STUB1: variants seen among roughly 807,000 people sequenced by gnomAD.
The protein encoded by STUB1 is E3 ubiquitin-protein ligase CHIP.
In STUB1, 37 loss-of-function variants were observed where a neutral mutation model predicts 40.3. The observed-to-expected ratio is 0.92, with a 90% CI of 0.71 to 1.21. STUB1 has a LOEUF of 1.21. Ranked by LOEUF, STUB1 falls within the 50% of genes most tolerant of loss-of-function variation. The pLI, the probability that STUB1 is intolerant of heterozygous loss-of-function variation, is 0.00. For synonymous variants in STUB1, 246 were observed against 171.9 expected, an observed-to-expected ratio of 1.43 and a Z score of -3.37; for missense variants, 460 against 421.9, an observed-to-expected ratio of 1.09 and a Z score of -0.79.
At position 682,184 on chromosome 16, in the gene STUB1, A is replaced by G; in HGVS notation, c.689A>G (p.Tyr230Cys). The G allele has an allele frequency of 1.2e-6, 2 of 1,609,420 alleles. No homozygotes were observed. The highest frequency in any genetic ancestry group is 1.7e-6 in the Non-Finnish European group (2 of 1,176,574). ...EKRKKRDIPD[Y>C]LCGKISFELM... ...CCACAGAAGCGAGACATCCCCGACT[A>G]CCTGTGTGGCAAGATCAGCTTTGAG... Residue 230 changes from tyrosine (Y) to cysteine (C), a missense_variant, in exon 6 of 7, where the codon TAC becomes TGC. By Grantham distance (194) the Tyr-to-Cys change is radical (BLOSUM62 -2). Transcript: ENST00000219548.
At position 681,502 on chromosome 16, in the gene STUB1, CG is replaced by C. The variant is rs1441696405; in HGVS notation, c.424del (p.Ala142ArgfsTer98). On this transcript the variant is annotated frameshift_variant, in exon 3 of 7. Transcript: ENST00000219548. LOFTEE classifies it high-confidence loss of function. ...GDDIPSALRI[A>X]KKKRWNSIEE... Reference sequence around the variant, plus strand: ...ACGACATCCCCAGCGCTCTTCGAATCGCGAAGAAGAAGCGCTGGAACAGCAT... The same window carrying C: ...ACGACATCCCCAGCGCTCTTCGAATCCGAAGAAGAAGCGCTGGAACAGCAT... 1 of 1,612,384 alleles carries C rather than the reference CG, an allele frequency of 6.2e-7. No individual in the cohort carries two copies. Among genetic ancestry groups the C allele is most frequent in the Non-Finnish European group, 8.5e-7 (1 of 1,179,870 alleles).
chr16:682,089 C>T lies in STUB1; in HGVS notation c.669+13C>T, dbSNP rs116568793. 494 of 1,580,472 alleles carry T rather than the reference C, an allele frequency of 3.1e-4. No individual in the cohort carries two copies. In the African/African-American group the frequency reaches 5.5e-3, roughly 18 times the overall value. On this transcript the variant is annotated intron_variant, in intron 5 of 6. Coordinates refer to ENST00000219548, the MANE Select transcript of STUB1 (RefSeq NM_005861.4). ...TGAGAAGAGGAAGGTGAGTGTGTGT[C>T]GCTTGCTGCCGATGGCTGGCAGGTG...
At chr16:681,416 A>T in intron 2 of STUB1, 22 bp from the exon 3 acceptor site, 1 of 1,609,706 alleles carries the variant, frequency 6.2e-7, no homozygotes, top group Non-Finnish European at 8.5e-7. Context: ...CCAGAGAGTG[A>T]CGTGAAGCCC....
chr16:682,216 C>G lies in STUB1; in HGVS notation c.721C>G (p.Arg241Gly), dbSNP rs760424025. The G allele has an allele frequency of 6.2e-7, 1 of 1,612,872 alleles. No individual in the cohort carries two copies. Among genetic ancestry groups the G allele is most frequent in the Non-Finnish European group, 8.5e-7 (1 of 1,179,824 alleles). Residue 241 changes from arginine to glycine, a missense_variant, in exon 6 of 7, where the codon CGG becomes GGG. Transcript: ENST00000219548. ...TGGCAAGATCAGCTTTGAGCTGATG[C>G]GGGAGCCGTGCATCACGCCCAGTGG... is the stretch of plus-strand genomic sequence containing the variant. ...LCGKISFELM[R>G]EPCITPSGIT... is the part of the protein sequence containing the mutation.
In STUB1 at chr16:681,867, T is replaced by C. The variant is rs2039671448; in HGVS notation, c.599T>C (p.Ile200Thr). ...CACGTCCGGGCCCAGCAGGCCTGCATTGAGGCCAAGCACGTGAGGGTGCCC... is the reference window on the plus strand; with the variant it reads ...CACGTCCGGGCCCAGCAGGCCTGCACTGAGGCCAAGCACGTGAGGGTGCCC... ...DSHVRAQQAC[I>T]EAKHDKYMAD... The change falls in exon 4 of 7, where the codon ATT becomes ACT. Residue 200 changes from isoleucine (I) to threonine (T), a missense_variant. Ile to Thr is a moderately conservative substitution (Grantham distance 89, BLOSUM62 -1). Transcript: ENST00000219548. 3.1e-6 allele frequency: 5 copies of C among 1,612,734 alleles called. No individual in the cohort carries two copies. The highest frequency in any genetic ancestry group is 4.2e-6 in the Non-Finnish European group (5 of 1,179,970).
intron 5 of STUB1, 26 bp downstream of exon 5, chr16:682,102 T>C (rs768837345): frequency 1.5e-5 from 24 of 1,582,438 alleles, no homozygotes; most frequent in African/African-American, 9.4e-5. Context: ...TTGCTGCCGA[T>C]GGCTGGCAGG....
Position 682,267 on chromosome 16 carries a change from G to A in STUB1, c.772G>A (p.Glu258Lys), listed in dbSNP as rs1262673273. The change falls in exon 6 of 7, where the codon GAG (glutamate) becomes AAG (lysine). Residue 258 changes from glutamate to lysine, a missense_variant. Glu to Lys is a moderately conservative substitution (Grantham distance 56). Coordinates refer to ENST00000219548, the MANE Select transcript of STUB1 (RefSeq NM_005861.4). ...SGITYDRKDI[E>K]EHLQRVGHFD... ...CATCACCTACGACCGCAAGGACATCGAGGAGCACCTGCAGGTGAGGCCTGC... is the reference window on the plus strand; with the variant it reads ...CATCACCTACGACCGCAAGGACATCAAGGAGCACCTGCAGGTGAGGCCTGC... 5.6e-6 allele frequency: 9 copies of A among 1,601,344 alleles called. No individual in the cohort carries two copies. The highest frequency in any genetic ancestry group is 1.7e-5 in the Admixed American group (1 of 58,708).
In STUB1 at chr16:680,487, G is replaced by A. The variant is rs1388585283; in HGVS notation, c.-39G>A. On this transcript the variant is annotated 5_prime_UTR_variant, in exon 1 of 7. Transcript: ENST00000219548. The surrounding 1 kb of genome is among the most constrained non-coding windows in gnomAD (Gnocchi z 4.9). ...TGCGGGCGCTGGGCCGCGAGGCGCG[G>A]AGCTTGGGAGCGGAGCCCAGGCCGT... The A allele has an allele frequency of 1.7e-6, 2 of 1,192,742 alleles. No homozygotes were observed. The highest frequency in any genetic ancestry group is 2.1e-6 in the Non-Finnish European group (2 of 960,830). The allele number at this position is 1,192,742 out of a possible 1,614,324, so 73.9% of individuals were successfully genotyped here.
chr16:681,455 G>A lies in STUB1; in HGVS notation c.376G>A (p.Glu126Lys). 1 of 1,612,562 alleles carries A rather than the reference G, an allele frequency of 6.2e-7. No individual in the cohort carries two copies. The highest frequency in any genetic ancestry group is 8.5e-7 in the Non-Finnish European group (1 of 1,179,740). The change falls in exon 3 of 7, where the codon GAG becomes AAG. Residue 126 changes from glutamate (E) to lysine (K), a missense_variant. By Grantham distance (56) the Glu-to-Lys change is moderately conservative. Coordinates refer to ENST00000219548, the MANE Select transcript of STUB1 (RefSeq NM_005861.4). Reference sequence around the variant, plus strand: ...TTCCCCAGCTTACAGCCTGGCCAAGGAGCAGCGGCTGAACTTCGGGGACGA... The same window carrying A: ...TTCCCCAGCTTACAGCCTGGCCAAGAAGCAGCGGCTGAACTTCGGGGACGA... ...NLQRAYSLAK[E>K]QRLNFGDDIP...
Position 681,341 on chromosome 16 carries a change from C to G in STUB1, c.349C>G (p.Leu117Val), listed in dbSNP as rs951669702. 1 of 1,612,820 alleles carries G rather than the reference C, an allele frequency of 6.2e-7. No individual in the cohort carries two copies. The highest frequency in any genetic ancestry group is 8.5e-7 in the Non-Finnish European group (1 of 1,179,914). The change falls in exon 2 of 7, where the codon CTG becomes GTG. Residue 117 changes from leucine (L) to valine (V), a missense_variant. Physicochemically the swap from Leu to Val is conservative, Grantham distance 32. Transcript: ENST00000219548. ...GAGCTATGATGAGGCCATCGCCAAT[C>G]TGCAGCGAGGTTGGCTGACAAGCTG... ...MESYDEAIANLQRAYSLAKEQ... is the reference protein window; with the variant it reads ...MESYDEAIANVQRAYSLAKEQ...
At chr16:681,758 G>A (rs746632213) in intron 3 of STUB1, 35 bp from the exon 4 acceptor site, 2 of 1,570,572 alleles carry the variant, frequency 1.3e-6, no homozygotes, top group African/African-American at 2.7e-5. Flanking sequence ...CATCTGGCCA[G>A]GTCCATCTCT....
Position 681,474 on chromosome 16 carries a change from G to C in STUB1, c.395G>C (p.Gly132Ala). The change falls in exon 3 of 7, where the codon GGG becomes GCG. Residue 132 changes from glycine to alanine, a missense_variant. Gly to Ala is a moderately conservative substitution (Grantham distance 60). Coordinates refer to ENST00000219548, the MANE Select transcript of STUB1 (RefSeq NM_005861.4). ...SLAKEQRLNF[G>A]DDIPSALRIA... is the part of the protein sequence containing the mutation. ...GCCAAGGAGCAGCGGCTGAACTTCG[G>C]GGACGACATCCCCAGCGCTCTTCGA... The C allele has an allele frequency of 1.2e-6, 2 of 1,612,666 alleles. No homozygotes were observed. Among genetic ancestry groups the C allele is most frequent in the East Asian group, 2.2e-5 (1 of 44,884 alleles).
Position 681,858 on chromosome 16 carries a change from A to T in STUB1, c.590A>T (p.Gln197Leu), listed in dbSNP as rs781520518. The T allele has an allele frequency of 2.5e-6, 4 of 1,612,476 alleles. No individual in the cohort carries two copies. In the South Asian group the frequency reaches 4.4e-5, roughly 18 times the overall value. ...DEDDSHVRAQQACIEAKHDKY... is the reference protein window; with the variant it reads ...DEDDSHVRAQLACIEAKHDKY... ...GACGACAGCCACGTCCGGGCCCAGC[A>T]GGCCTGCATTGAGGCCAAGCACGTG... The change falls in exon 4 of 7, where the codon CAG (glutamine) becomes CTG (leucine). Residue 197 changes from glutamine (Q) to leucine (L), a missense_variant. Transcript: ENST00000219548.
chr16:681,979 G>A (rs1567281407), intron 4 of STUB1, 41 bp from the exon 5 acceptor site: 6 of 1,611,896 alleles, frequency 3.7e-6, no homozygotes, highest in South Asian at 1.1e-5. Flanking sequence ...GAGGAGGGAG[G>A]TGGGGTGTCT....
rs1732133553 is a variant in STUB1 at position 682,364 on chromosome 16, CGT to C, written c.791_792del (p.Val264GlyfsTer4). 6.2e-7 allele frequency: 1 copy of C among 1,613,178 alleles called. No homozygotes were observed. The highest frequency in any genetic ancestry group is 8.5e-7 in the Non-Finnish European group (1 of 1,179,996). ...CCCTCTGCCCTTCTTGTCACTGCAG[CGT>C]GTGGGTCATTTTGACCCCGTGACCC... is the stretch of plus-strand genomic sequence containing the variant. ...DRKDIEEHLQ[R>X]VGHFDPVTRS... On this transcript the variant is annotated frameshift_variant and splice_region_variant, in exon 7 of 7. Coordinates refer to ENST00000219548, the MANE Select transcript of STUB1 (RefSeq NM_005861.4). LOFTEE classifies it high-confidence loss of function.
In STUB1 at chr16:682,525, A is replaced by T. The variant is rs531522663; in HGVS notation, c.*36A>T. On this transcript the variant is annotated 3_prime_UTR_variant, in exon 7 of 7. Transcript: ENST00000219548. ...CCTACCTGGCGTCCTGGTCCAGGGGAGCCCTGGGCAGAAGCCCCCGGCCCC... is the reference window on the plus strand; with the variant it reads ...CCTACCTGGCGTCCTGGTCCAGGGGTGCCCTGGGCAGAAGCCCCCGGCCCC... 2.2e-4 allele frequency: 357 copies of T among 1,611,504 alleles called. 2 individuals carry two copies. In the South Asian group the frequency reaches 3.7e-3, roughly 17 times the overall value.
In STUB1 at chr16:682,687, G is replaced by C. The variant is rs529740771; in HGVS notation, c.*198G>C. The C allele has an allele frequency of 1.7e-4, 247 of 1,438,462 alleles. 1 individual carries two copies. The African/African-American group carries it at 3.1e-3, about 18-fold the overall frequency. The allele number at this position is 1,438,462 out of a possible 1,614,324, so 89.1% of individuals were successfully genotyped here. A position where few individuals can be genotyped will look rare whatever the true frequency, so the allele number is the denominator to read the frequency against. On this transcript the variant is annotated 3_prime_UTR_variant, in exon 7 of 7. Transcript: ENST00000219548. ...CTTTGTGGGCTGGAAAAGCAGGTGA[G>C]GGTGGGCTGGGCTGAGGCCATTGCC... is the stretch of plus-strand genomic sequence containing the variant.
Position 681,583 on chromosome 16 carries a change from C to T in STUB1, c.504C>T (p.Leu168=). ...ESELHSYLSR[L]IAAERERELE... is the part of the protein sequence containing the mutation. ...AGCTGCACTCCTACCTCTCCAGGCTCATTGCCGCGGAGCGTGAGAGGTGGG... is the reference window on the plus strand; with the variant it reads ...AGCTGCACTCCTACCTCTCCAGGCTTATTGCCGCGGAGCGTGAGAGGTGGG... Residue 168 remains leucine, a synonymous_variant, in exon 3 of 7, where the codon CTC becomes CTT. Transcript: ENST00000219548. The T allele has an allele frequency of 6.2e-7, 1 of 1,609,990 alleles. No homozygotes were observed. The highest frequency in any genetic ancestry group is 8.5e-7 in the Non-Finnish European group (1 of 1,178,862).
rs1472707207 is a variant in STUB1, at chr16:682,630, A to G, written c.*141A>G. 6.9e-7 allele frequency: 1 copy of G among 1,440,178 alleles called. No homozygotes were observed. The highest frequency in any genetic ancestry group is 1.4e-5 in the African/African-American group (1 of 71,652). The allele number at this position is 1,440,178 out of a possible 1,614,324, so 89.2% of individuals were successfully genotyped here. On this transcript the variant is annotated 3_prime_UTR_variant, in exon 7 of 7. Coordinates refer to ENST00000219548, the MANE Select transcript of STUB1 (RefSeq NM_005861.4). ...TGGACTCTGGACTGTTTCCCCTCTC[A>G]GCATCGCTTTTGCTGGGCCGTGATC...
Sources: gnomAD v4.1 joint callset for allele counts on GRCh38, gnomAD v4.1.1 for gene constraint, Gnocchi (gnomAD v3.1) non-coding constraint, MANE v1.5 for transcripts, NCBI Gene and HGNC (gene_info 2026-07-23, HGNC 2026-07-21) for gene names.